ITGBL1: variants seen among roughly 807,000 people sequenced by gnomAD.
ITGBL1 encodes integrin subunit beta like 1.
A neutral mutation model predicts 68.5 loss-of-function variants in ITGBL1; 51 were observed. That is an observed-to-expected ratio of 0.74 (90% CI 0.59 to 0.94). The LOEUF is 0.94. Among genes scored for constraint, ITGBL1 ranks in the 40% least tolerant of loss-of-function variants. The pLI, the probability that ITGBL1 is intolerant of heterozygous loss-of-function variation, is 0.00. For synonymous variants in ITGBL1, 209 were observed against 227.3 expected (o/e 0.92, Z 0.72); for missense variants, 649 against 647.4 (o/e 1.00, Z -0.03).
At chr13:101,580,905 G>C (rs889773008) in intron 5 of ITGBL1, among the ~76,000 whole-genome samples, 1 of 152,200 alleles carries the variant, frequency 6.6e-6, no homozygotes, top group Non-Finnish European at 1.5e-5. Context: ...CTGACCTGGA[G>C]CTATGGCAGA....
Position 101,509,282 on chromosome 13 carries a change from G to T in ITGBL1, c.316+55182G>T, listed in dbSNP as rs577621767. 3.2e-4 allele frequency among the ~76,000 whole-genome samples: 48 copies of T among 152,178 alleles called. No individual in the cohort carries two copies. In the South Asian group the frequency reaches 1.0e-2, roughly 32 times the overall value. ...CATCAGAATAGCACAGGAAAGACCT[G>T]CCCCCATAATTCAATCACCTCTCAC... On this transcript the variant is annotated intron_variant, in intron 2 of 10. Transcript: ENST00000376180.
intron 2 of ITGBL1, among the ~76,000 whole-genome samples, chr13:101,462,453 T>C (rs756669872): frequency 1.2e-4 from 19 of 152,206 alleles, no homozygotes; most frequent in Non-Finnish European, 5.9e-5. Context: ...TATGTGTGAA[T>C]GGCAAGGGAG....
Position 101,583,333 on chromosome 13 carries a change from G to A in ITGBL1, c.845G>A (p.Arg282Gln), listed in dbSNP as rs754289951. 9.4e-6 allele frequency: 15 copies of A among 1,591,106 alleles called. No homozygotes were observed. Among genetic ancestry groups the A allele is most frequent in the Non-Finnish European group, 1.3e-5 (15 of 1,169,624 alleles). Residue 282 changes from arginine to glutamine, a missense_variant, in exon 6 of 11, where the codon CGA (arginine) becomes CAA (glutamine). Transcript: ENST00000376180. ...DERDCRAVYD[R>Q]YSDDFCSGHG... Reference sequence around the variant, plus strand: ...AGGGACTGTAGAGCTGTCTATGACCGATATTCTGATGACTTCTGTTCAGGT... The same window carrying A: ...AGGGACTGTAGAGCTGTCTATGACCAATATTCTGATGACTTCTGTTCAGGT...
intron 2 of ITGBL1, among the ~76,000 whole-genome samples, chr13:101,468,943 A>G (rs1475363145): frequency 6.6e-6 from 1 of 152,108 alleles, no homozygotes; most frequent in Non-Finnish European, 1.5e-5. Flanking sequence ...CCATAACCTA[A>G]TTTTTCTTGT....
intron 7 of ITGBL1, among the ~76,000 whole-genome samples, chr13:101,691,215 C>T (rs1040467754): frequency 1.1e-4 from 17 of 152,234 alleles, no homozygotes; most frequent in African/African-American, 3.6e-4. Context: ...AAGGAGGGAC[C>T]CCTGCCTCCT....
At chr13:101,504,604 T>C (rs2048997914) in intron 2 of ITGBL1, among the ~76,000 whole-genome samples, 1 of 152,204 alleles carries the variant, frequency 6.6e-6, no homozygotes, top group South Asian at 2.1e-4. Flanking sequence ...TTTAGGTAAA[T>C]TAATTGAAAC....
At chr13:101,647,637 G>C (rs1161668922) in intron 7 of ITGBL1, among the ~76,000 whole-genome samples, 1 of 152,308 alleles carries the variant, frequency 6.6e-6, no homozygotes, top group Admixed American at 6.5e-5. Flanking sequence ...CAGGGAAAGA[G>C]GGTGAGAAGT....
intron 2 of ITGBL1, among the ~76,000 whole-genome samples, chr13:101,540,016 G>A (rs1471843616): frequency 1.3e-5 from 2 of 152,184 alleles, no homozygotes; most frequent in Non-Finnish European, 2.9e-5. Context: ...TATTCACTCT[G>A]ATGGTGGCTT....
Position 101,596,190 on chromosome 13 carries a change from C to CA in ITGBL1, c.869-1956dup, listed in dbSNP as rs979761501. ...CTAAGTAAAATAAGCCAGACATAGACAAAAAAACACTGCACGATCTCACTC... is the reference window on the plus strand; with the variant it reads ...CTAAGTAAAATAAGCCAGACATAGACAAAAAAAACACTGCACGATCTCACTC... On this transcript the variant is annotated intron_variant, in intron 6 of 10. Transcript: ENST00000376180. Among the ~76,000 whole-genome samples, 37 of 151,818 alleles carry CA rather than the reference C, an allele frequency of 2.4e-4. No individual in the cohort carries two copies. The South Asian group carries it at 4.0e-3, about 16-fold the overall frequency.
chr13:101,515,856 T>C (rs549838025), intron 2 of ITGBL1, among the ~76,000 whole-genome samples: 1 of 152,244 alleles, frequency 6.6e-6, no homozygotes, highest in African/African-American at 2.4e-5. Context: ...AAAATGGCAT[T>C]TAACCATTCT....
chr13:101,594,574 TA>T (rs1343239291), intron 6 of ITGBL1, among the ~76,000 whole-genome samples: 1 of 151,854 alleles, frequency 6.6e-6, no homozygotes, highest in Non-Finnish European at 1.5e-5. Context: ...AAAACAAAAA[TA>T]AATGAGTGGG....
At chr13:101,699,749 A>G (rs1056467782) in intron 8 of ITGBL1, among the ~76,000 whole-genome samples, 2 of 152,210 alleles carry the variant, frequency 1.3e-5, no homozygotes, top group Non-Finnish European at 2.9e-5. Flanking sequence ...GTCCATGTAG[A>G]TGATTCTCCA....
In ITGBL1 at chr13:101,473,477, G is replaced by A. The variant is rs555603749; in HGVS notation, c.316+19377G>A. The stretch of plus-strand genomic sequence containing the variant: ...CATTTTGATCAGCCCTAGCCAGAGC[G>A]GAATCATCCATTCTAGCAGTTGGAG... On this transcript the variant is annotated intron_variant, in intron 2 of 10. Transcript: ENST00000376180. Among the ~76,000 whole-genome samples the A allele has an allele frequency of 6.6e-5, 10 of 152,310 alleles. No individual in the cohort carries two copies. In the South Asian group the frequency reaches 1.0e-3, roughly 16 times the overall value.
At chr13:101,672,867 A>G (rs2033411645) in intron 7 of ITGBL1, among the ~76,000 whole-genome samples, 1 of 152,188 alleles carries the variant, frequency 6.6e-6, no homozygotes, top group East Asian at 1.9e-4. Context: ...TATTTACCCC[A>G]GACAATGATG....
At chr13:101,472,326 T>C (rs372486279) in intron 2 of ITGBL1, among the ~76,000 whole-genome samples, 12 of 152,236 alleles carry the variant, frequency 7.9e-5, no homozygotes, top group African/African-American at 2.7e-4. Flanking sequence ...AAACTGTTGG[T>C]ACAAATCATG....
At chr13:101,505,858 T>C (rs1356378745) in intron 2 of ITGBL1, among the ~76,000 whole-genome samples, 1 of 152,212 alleles carries the variant, frequency 6.6e-6, no homozygotes, top group Non-Finnish European at 1.5e-5. Flanking sequence ...GCTTTCCAGT[T>C]CTTCAGAAAC....
chr13:101,566,034 T>G (rs1017330283), intron 2 of ITGBL1, among the ~76,000 whole-genome samples: 3 of 152,176 alleles, frequency 2.0e-5, no homozygotes, highest in African/African-American at 7.2e-5. Flanking sequence ...GATGTCCTAT[T>G]TAATATAAAA....
At chr13:101,612,282 C>T (rs1418711528) in intron 7 of ITGBL1, among the ~76,000 whole-genome samples, 2 of 152,124 alleles carry the variant, frequency 1.3e-5, no homozygotes, top group African/African-American at 4.8e-5. Flanking sequence ...TAGGGTGAAA[C>T]AGCAAATATT....
At chr13:101,520,061 A>G (rs1566712954) in intron 2 of ITGBL1, among the ~76,000 whole-genome samples, 1 of 152,178 alleles carries the variant, frequency 6.6e-6, no homozygotes, top group South Asian at 2.1e-4. Context: ...GCCTTGTGTT[A>G]CTAGTAATAA....
Sources: allele counts gnomAD v4.1 joint callset (sites outside exome capture counted in the v4.1 genomes callset), GRCh38; gene constraint gnomAD v4.1.1; transcripts MANE v1.5; gene names NCBI Gene and HGNC (gene_info 2026-07-23, HGNC 2026-07-21).